The following FFAR4 variants were observed in gnomAD, a reference collection of about 807,000 sequenced individuals.
FFAR4 encodes the protein G-protein coupled receptor 120.
FFAR4 carries 19 observed loss-of-function variants against 27.0 expected under a neutral mutation model. That is an observed-to-expected ratio of 0.70 (90% confidence interval 0.49 to 1.03). The LOEUF is 1.03. Among genes scored for constraint, FFAR4 ranks in the 50% least tolerant of loss-of-function variants. The pLI, the probability that FFAR4 is intolerant of heterozygous loss-of-function variation, is 0.00. For missense variants in FFAR4, 476 were observed against 479.0 expected, an observed-to-expected ratio of 0.99 and a Z score of 0.06; for synonymous variants, 254 against 215.6, an observed-to-expected ratio of 1.18 and a Z score of -1.56.
Position 93,585,620 on chromosome 10 carries a change from T to C in FFAR4, c.697-1600T>C, listed in dbSNP as rs187344194. ...GACAGAGAAGGAGGATGGGCTGCCC[T>C]GGCAGTGGTCTGGTCTCCCACAAGG... On this transcript the variant is annotated intron_variant, in intron 2 of 2. Transcript: ENST00000371481. 1.0e-3 allele frequency among the ~76,000 whole-genome samples: 153 copies of C among 152,330 alleles called. 1 individual carries two copies. In the East Asian group the frequency reaches 0.011, roughly 11 times the overall value.
chr10:93,576,331 C>T, intron 2 of FFAR4, 112 bp downstream of exon 2: 1 of 1,029,412 alleles, frequency 9.7e-7, no homozygotes, highest in Non-Finnish European at 1.5e-6. Context: ...CCAGCTCAAT[C>T]TTGATTCACT....
At chr10:93,585,900 T>A (rs1435652824) in intron 2 of FFAR4, among the ~76,000 whole-genome samples, 5 of 152,218 alleles carry the variant, frequency 3.3e-5, no homozygotes, top group South Asian at 4.1e-4. Flanking sequence ...ATGAGCAGCC[T>A]CTGATCACAT....
chr10:93,568,632 C>A (rs1377570216), intron 1 of FFAR4, among the ~76,000 whole-genome samples: 1 of 152,132 alleles, frequency 6.6e-6, no homozygotes, highest in Non-Finnish European at 1.5e-5. Context: ...CCCTCCAGAG[C>A]CTGAGACAGA....
At chr10:93,582,205 T>A (rs888558788) in intron 2 of FFAR4, among the ~76,000 whole-genome samples, 39 of 152,074 alleles carry the variant, frequency 2.6e-4, no homozygotes, top group African/African-American at 8.9e-4. Flanking sequence ...ACCCTACCAG[T>A]GGTGGGAACT....
intron 1 of FFAR4, among the ~76,000 whole-genome samples, chr10:93,567,805 G>A (rs73327217): frequency 0.023 from 3,527 of 152,200 alleles, 112 homozygotes; most frequent in African/African-American, 0.074. Context: ...TTGGGTTATG[G>A]TCCTGCTTTG....
chr10:93,572,375 G>A (rs1244614109), intron 1 of FFAR4, among the ~76,000 whole-genome samples: 3 of 152,214 alleles, frequency 2.0e-5, no homozygotes, highest in Admixed American at 2.0e-4. Flanking sequence ...CAAAGGAGCA[G>A]TGAGTGCTGT....
chr10:93,577,161 G>C lies in FFAR4; in HGVS notation c.696+942G>C, dbSNP rs1474947640. 3.3e-5 allele frequency among the ~76,000 whole-genome samples: 5 copies of C among 152,316 alleles called. No individual in the cohort carries two copies. The East Asian group carries it at 9.7e-4, about 29-fold the overall frequency. On this transcript the variant is annotated intron_variant, in intron 2 of 2. Transcript: ENST00000371481. The stretch of plus-strand genomic sequence containing the variant: ...TAGCCCATTTGTGAGTAAGTTGCCT[G>C]CCCAGGCAAACAGCATGGGTGCATC...
At chr10:93,579,041 C>A in intron 2 of FFAR4, 1 of 848,984 alleles carries the variant, frequency 1.2e-6, no homozygotes, top group African/African-American at 1.7e-5. Context: ...TGGAAAAATT[C>A]TGAGACCTGA....
intron 2 of FFAR4, among the ~76,000 whole-genome samples, chr10:93,586,219 T>C (rs1415612572): frequency 1.3e-5 from 2 of 152,210 alleles, no homozygotes; most frequent in Non-Finnish European, 2.9e-5. Context: ...TCCCACAGGC[T>C]ACTCTCGTAA....
At chr10:93,584,636 ACTC>A (rs1391986314) in intron 2 of FFAR4, among the ~76,000 whole-genome samples, 1 of 151,880 alleles carries the variant, frequency 6.6e-6, no homozygotes, top group East Asian at 1.9e-4. Context: ...GTGGACCTAA[ACTC>A]CTGCACAGAG....
intron 2 of FFAR4, among the ~76,000 whole-genome samples, chr10:93,577,613 G>GT (rs2058172016): frequency 6.6e-6 from 1 of 152,196 alleles, no homozygotes; most frequent in African/African-American, 2.4e-5. Flanking sequence ...ATAGTGCTAT[G>GT]TAAGTGTTAG....
intron 2 of FFAR4, among the ~76,000 whole-genome samples, chr10:93,576,721 C>T (rs1228451256): frequency 6.6e-6 from 1 of 152,196 alleles, no homozygotes; most frequent in Non-Finnish European, 1.5e-5. Flanking sequence ...TATATCTTAA[C>T]ATCTTTCCAC....
intron 2 of FFAR4, 76 bp downstream of exon 2, chr10:93,576,295 G>A: frequency 6.5e-7 from 1 of 1,537,184 alleles, no homozygotes; most frequent in Non-Finnish European, 9.0e-7. Flanking sequence ...TAGAATTTGG[G>A]GTCGGAGAAC....
chr10:93,567,272 C>T lies in FFAR4; in HGVS notation c.552C>T (p.Leu184=), dbSNP rs754039119. Residue 184 remains leucine, a synonymous_variant, in exon 1 of 3, where the codon CTC becomes CTT. Transcript: ENST00000371481. ...CVFFRVVPQR[L]PGADQEISIC... is the part of the protein sequence containing the mutation. ...TCTTCCGAGTCGTCCCGCAACGGCT[C>T]CCCGGCGCCGACCAGGTGAGCGCCC... 8.8e-6 allele frequency: 14 copies of T among 1,599,084 alleles called. No individual in the cohort carries two copies. Among genetic ancestry groups the T allele is most frequent in the African/African-American group, 2.7e-5 (2 of 74,886 alleles).
intron 1 of FFAR4, among the ~76,000 whole-genome samples, chr10:93,571,265 T>C (rs1319512241): frequency 6.6e-6 from 1 of 152,138 alleles, no homozygotes; most frequent in Non-Finnish European, 1.5e-5. Flanking sequence ...CTGTCTATCC[T>C]GGCCAGAATG....
At chr10:93,571,740 C>T (rs2058132949) in intron 1 of FFAR4, among the ~76,000 whole-genome samples, 1 of 152,186 alleles carries the variant, frequency 6.6e-6, no homozygotes, top group African/African-American at 2.4e-5. Context: ...AATATTTTCT[C>T]TCTTTTTTGC....
At chr10:93,568,698 T>G (rs952677465) in intron 1 of FFAR4, among the ~76,000 whole-genome samples, 1 of 152,022 alleles carries the variant, frequency 6.6e-6, no homozygotes, top group Non-Finnish European at 1.5e-5. Flanking sequence ...AGCCCTTTTA[T>G]TGGGGGTAGG....
chr10:93,587,131 T>C, intron 2 of FFAR4, 89 bp from the exon 3 acceptor site: 1 of 1,179,834 alleles, frequency 8.5e-7, no homozygotes, highest in Non-Finnish European at 1.2e-6. Flanking sequence ...GCCTTGGGGA[T>C]AGCAGATTCC....
rs79897722 is a variant in FFAR4 at position 93,570,559 on chromosome 10, C to A, written c.567+3272C>A. 4.0e-3 allele frequency among the ~76,000 whole-genome samples: 610 copies of A among 152,228 alleles called. 6 individuals are homozygous for A. Among genetic ancestry groups the A allele is most frequent in the African/African-American group, 0.014 (585 of 41,536 alleles). On this transcript the variant is annotated intron_variant, in intron 1 of 2. Coordinates refer to ENST00000371481, the MANE Select transcript of FFAR4 (RefSeq NM_001195755.2). ...ATGGGGGATATTTTCCTAACCCAAA[C>A]CACACGCTGAGAGAATCAACCAAGC... is the stretch of plus-strand genomic sequence containing the variant.
Sources: allele counts gnomAD v4.1 joint callset (sites outside exome capture counted in the v4.1 genomes callset), GRCh38; gene constraint gnomAD v4.1.1; transcripts MANE v1.5; gene names NCBI Gene and HGNC (gene_info 2026-07-23, HGNC 2026-07-21).